Variants in KCNIP4 observed in about 807,000 individuals in gnomAD.
KCNIP4 encodes the protein potassium voltage-gated channel interacting protein 4, also known as Kv channel-interacting protein 4.
In KCNIP4, 12 loss-of-function variants were observed where a neutral mutation model predicts 34.0. The observed-to-expected ratio is 0.35, with a 90% CI of 0.23 to 0.57. KCNIP4 has a LOEUF of 0.57. Among genes scored for constraint, KCNIP4 ranks in the 20% least tolerant of loss-of-function variants. KCNIP4 has a pLI of 0.83. For missense variants in KCNIP4, 238 were observed against 311.7 expected (o/e 0.76, Z 1.78); for synonymous variants, 124 against 102.2 (o/e 1.21, Z -1.29).
chr4:21,856,139 G>C (rs920760814), intron 1 of KCNIP4, among the ~76,000 whole-genome samples: 1 of 152,032 alleles, frequency 6.6e-6, no homozygotes, highest in African/African-American at 2.4e-5. Context: ...CATCACCTTG[G>C]GTGGGGTCAT....
intron 1 of KCNIP4, among the ~76,000 whole-genome samples, chr4:21,360,172 T>G (rs1165324149): frequency 1.3e-5 from 2 of 152,148 alleles, no homozygotes; most frequent in Non-Finnish European, 2.9e-5. Flanking sequence ...GACCTTGTAC[T>G]TATTTGATTC....
chr4:21,720,085 C>T (rs1479379349), intron 1 of KCNIP4, among the ~76,000 whole-genome samples: 1 of 151,306 alleles, frequency 6.6e-6, no homozygotes, highest in East Asian at 2.0e-4. Context: ...AACAGGGCTA[C>T]TGCCAGTTAT....
chr4:20,734,022 A>C (rs1483861762), intron 6 of KCNIP4, among the ~76,000 whole-genome samples: 1 of 152,182 alleles, frequency 6.6e-6, no homozygotes, highest in African/African-American at 2.4e-5. Context: ...ACATAGGCAC[A>C]CTGAGAATGC....
chr4:20,773,496 T>C (rs1175183165), intron 3 of KCNIP4, among the ~76,000 whole-genome samples: 1 of 152,156 alleles, frequency 6.6e-6, no homozygotes, highest in Non-Finnish European at 1.5e-5. Context: ...CTGAGCAAGC[T>C]GGGGCAGAAC....
At chr4:21,892,637 C>T (rs1030300355) in intron 1 of KCNIP4, among the ~76,000 whole-genome samples, 7 of 150,152 alleles carry the variant, frequency 4.7e-5, no homozygotes, top group African/African-American at 2.5e-5. Context: ...CTTAGGTGAT[C>T]ACTTAACCTC....
rs1176717305 is a variant in KCNIP4 at position 20,882,651 on chromosome 4, G to C, written c.120C>G (p.Leu40=). 5 of 1,613,532 alleles carry C rather than the reference G, an allele frequency of 3.1e-6. No homozygotes were observed. ...KRSIKERLMK[L]LPCSAAKTSS... ...ACGTTTTGGCAGCTGAGCAGGGCAA[G>C]AGCTTCATGAGCCGCTCTTTAATGC... Residue 40 remains leucine, a synonymous_variant, in exon 2 of 9, where the codon CTC becomes CTG. Coordinates refer to ENST00000382152, the MANE Select transcript of KCNIP4 (RefSeq NM_025221.6).
At chr4:21,495,589 C>CT (rs533989256) in intron 1 of KCNIP4, among the ~76,000 whole-genome samples, 410 of 146,746 alleles carry the variant, frequency 2.8e-3, no homozygotes, top group East Asian at 9.6e-3. Flanking sequence ...AAACACTTAC[C>CT]TTTTTTTTTT....
intron 1 of KCNIP4, among the ~76,000 whole-genome samples, chr4:21,000,641 C>T (rs1208148184): frequency 4.6e-5 from 7 of 151,776 alleles, no homozygotes; most frequent in African/African-American, 1.2e-4. Flanking sequence ...GCCAAGATCG[C>T]GCTGTTGCAC....
Position 21,584,429 on chromosome 4 carries a change from T to A in KCNIP4, c.61+364142A>T, listed in dbSNP as rs543527965. On this transcript the variant is annotated intron_variant, in intron 1 of 8. Coordinates refer to ENST00000382152, the MANE Select transcript of KCNIP4 (RefSeq NM_025221.6). ...AAAGAATTTGCATACCATAACAGAA[T>A]CATTCTTCGAAAACTTAAAGCCAAA... is the stretch of plus-strand genomic sequence containing the variant. Among the ~76,000 whole-genome samples, 6 of 152,228 alleles carry A rather than the reference T, an allele frequency of 3.9e-5. No homozygotes were observed. In the South Asian group the frequency reaches 1.2e-3, roughly 32 times the overall value.
chr4:21,204,849 C>T (rs1006223849), intron 1 of KCNIP4, among the ~76,000 whole-genome samples: 3 of 152,002 alleles, frequency 2.0e-5, no homozygotes, highest in East Asian at 1.9e-4. Context: ...GAAATGTTCC[C>T]GATATAGTTG....
intron 1 of KCNIP4, among the ~76,000 whole-genome samples, chr4:21,657,103 A>G (rs1164902364): frequency 6.6e-6 from 1 of 152,232 alleles, no homozygotes; most frequent in Non-Finnish European, 1.5e-5. Context: ...TAATAATAAC[A>G]GTAATAATAG....
intron 1 of KCNIP4, among the ~76,000 whole-genome samples, chr4:21,297,874 G>T (rs1369924705): frequency 6.6e-6 from 1 of 151,962 alleles, no homozygotes; most frequent in Non-Finnish European, 1.5e-5. Context: ...TGTAAGAGAA[G>T]TTCATACTGT....
At chr4:21,047,453 T>C (rs763416944) in intron 1 of KCNIP4, among the ~76,000 whole-genome samples, 1 of 152,166 alleles carries the variant, frequency 6.6e-6, no homozygotes, top group Non-Finnish European at 1.5e-5. Context: ...CACATATAAT[T>C]GACACATCCT....
rs116444529 is a variant in KCNIP4, at chr4:21,181,666, C to A, written c.62-298957G>T. Among the ~76,000 whole-genome samples the A allele has an allele frequency of 6.2e-3, 948 of 152,212 alleles. 11 individuals are homozygous for A. Among genetic ancestry groups the A allele is most frequent in the African/African-American group, 0.022 (901 of 41,554 alleles). On this transcript the variant is annotated intron_variant, in intron 1 of 8. Transcript: ENST00000382152. ...GTCGAGTGCATGTGGCAGGCACAAG[C>A]AGAATCTGCAGAAGTTCTGAGAGTC...
chr4:21,311,235 A>G (rs910735183), intron 1 of KCNIP4, among the ~76,000 whole-genome samples: 19 of 152,162 alleles, frequency 1.2e-4, no homozygotes, highest in African/African-American at 4.3e-4. Flanking sequence ...ACCAAGTACT[A>G]TTATTATTCC....
intron 1 of KCNIP4, among the ~76,000 whole-genome samples, chr4:21,384,385 ATAAG>A (rs1721820868): frequency 6.6e-6 from 1 of 152,214 alleles, no homozygotes; most frequent in Non-Finnish European, 1.5e-5. Context: ...TAGATATTAA[ATAAG>A]TATGTGTTGA....
At chr4:21,060,306 T>C (rs192940214) in intron 1 of KCNIP4, among the ~76,000 whole-genome samples, 22 of 152,254 alleles carry the variant, frequency 1.4e-4, no homozygotes, top group African/African-American at 5.1e-4. Context: ...AGCTGAATAA[T>C]AGACTGAGTT....
At position 21,301,131 on chromosome 4, in the gene KCNIP4, A is replaced by G. The variant is rs114778407; in HGVS notation, c.62-418422T>C. ...CACACATAGATCAGAACAGGACCCAAGACTCAAGGACCTAATCCCCAGTCT... is the reference window on the plus strand; with the variant it reads ...CACACATAGATCAGAACAGGACCCAGGACTCAAGGACCTAATCCCCAGTCT... On this transcript the variant is annotated intron_variant, in intron 1 of 8. Coordinates refer to ENST00000382152, the MANE Select transcript of KCNIP4 (RefSeq NM_025221.6). Among the ~76,000 whole-genome samples the G allele has an allele frequency of 5.0e-3, 764 of 152,292 alleles. 8 individuals are homozygous for G. Among genetic ancestry groups the G allele is most frequent in the African/African-American group, 0.018 (748 of 41,570 alleles).
rs1299925873 is a variant in KCNIP4 at position 20,728,817 on chromosome 4, AT to A, written c.*1264del. On this transcript the variant is annotated 3_prime_UTR_variant, in exon 9 of 9. Transcript: ENST00000382152. ...TTTATTGTTGCAAAGACAGTTGCAA[AT>A]TTCCTCCTTCTGTAGCCTCTTGGTC... 6 of 152,496 alleles carry A rather than the reference AT, an allele frequency of 3.9e-5. No homozygotes were observed. Among genetic ancestry groups the A allele is most frequent in the Non-Finnish European group, 5.9e-5 (4 of 67,996 alleles). The allele number at this position is 152,496 out of a possible 1,614,324, so 9.4% of individuals were successfully genotyped here.
Sources: gnomAD v4.1 joint callset for allele counts (sites outside exome capture counted in the v4.1 genomes callset) on GRCh38, gnomAD v4.1.1 for gene constraint, MANE v1.5 for transcripts, NCBI Gene and HGNC (gene_info 2026-07-23, HGNC 2026-07-21) for gene names.